Variants in FBXO42 observed in about 807,000 individuals in gnomAD.
FBXO42 encodes the protein F-box only protein 42.
In FBXO42, 12 loss-of-function variants were observed where a neutral mutation model predicts 71.7. The observed-to-expected ratio is 0.17, with a 90% CI of 0.11 to 0.27. The LOEUF (loss-of-function observed/expected upper bound fraction) is 0.27, where lower values mean the gene tolerates loss of function less well. Ranked by LOEUF, FBXO42 falls within the 10% of genes least tolerant of loss-of-function variation. The pLI is 1.00. For synonymous variants in FBXO42, 325 were observed against 327.5 expected (o/e 0.99, Z 0.08); for missense variants, 707 against 911.9 (o/e 0.78, Z 2.89).
intron 1 of FBXO42, among the ~76,000 whole-genome samples, chr1:16,345,847 CAAA>C (rs34529034): frequency 7.7e-5 from 9 of 117,380 alleles, no homozygotes; most frequent in Non-Finnish European, 3.4e-5. Context: ...GACTCCGTCT[CAAA>C]AAAAAAAAAA....
chr1:16,281,443 G>T (rs1264489912), intron 4 of FBXO42, among the ~76,000 whole-genome samples: 1 of 151,504 alleles, frequency 6.6e-6, no homozygotes, highest in Admixed American at 6.6e-5. Flanking sequence ...TTTGTAAAAG[G>T]TGGCTATTTC....
rs74558961 is a variant in FBXO42, at chr1:16,257,488, A to C, written c.503-729T>G. 1.1e-3 allele frequency among the ~76,000 whole-genome samples: 169 copies of C among 152,300 alleles called. 2 individuals carry two copies. In the East Asian group the frequency reaches 0.031, roughly 28 times the overall value. The stretch of plus-strand genomic sequence containing the variant: ...CTGGGCTACACTGACCAAATTCTGA[A>C]AAAAAACACTTTGGCTTATGCTGGA... On this transcript the variant is annotated intron_variant, in intron 4 of 9. Transcript: ENST00000375592.
At chr1:16,317,656 G>A (rs765540888) in intron 1 of FBXO42, among the ~76,000 whole-genome samples, 2 of 151,956 alleles carry the variant, frequency 1.3e-5, no homozygotes, top group Non-Finnish European at 2.9e-5. Flanking sequence ...AGGCACAGTG[G>A]CTCATGCCTA....
chr1:16,264,354 T>A (rs554645667), intron 4 of FBXO42, among the ~76,000 whole-genome samples: 28 of 152,162 alleles, frequency 1.8e-4, no homozygotes, highest in Non-Finnish European at 2.6e-4. Flanking sequence ...ATAACCACTA[T>A]GGTGACATAT....
At chr1:16,296,688 C>G (rs1222079343) in intron 3 of FBXO42, among the ~76,000 whole-genome samples, 1 of 148,602 alleles carries the variant, frequency 6.7e-6, no homozygotes, top group Non-Finnish European at 1.5e-5. Flanking sequence ...AAAACACCAA[C>G]AAGAAATTCA....
intron 1 of FBXO42, 37 bp from the exon 2 acceptor site, chr1:16,315,472 G>T (rs2082355125): frequency 6.3e-7 from 1 of 1,579,496 alleles, no homozygotes. Context: ...GTATTCCACT[G>T]AAAGCAGCTC....
Position 16,302,933 on chromosome 1 carries a change from G to A in FBXO42, c.367+2870C>T, listed in dbSNP as rs77235868. 3.7e-3 allele frequency among the ~76,000 whole-genome samples: 570 copies of A among 152,288 alleles called. 3 individuals carry two copies. Among genetic ancestry groups the A allele is most frequent in the African/African-American group, 0.013 (539 of 41,540 alleles). On this transcript the variant is annotated intron_variant, in intron 3 of 9. Coordinates refer to ENST00000375592, the MANE Select transcript of FBXO42 (RefSeq NM_018994.3). ...CCAGGTCACTCCCTTGACACATGGG[G>A]ATTACCACTGGAGGAGATGAGATTT... is the stretch of plus-strand genomic sequence containing the variant.
At chr1:16,344,232 A>G (rs1387725392) in intron 1 of FBXO42, among the ~76,000 whole-genome samples, 1 of 151,922 alleles carries the variant, frequency 6.6e-6, no homozygotes, top group Middle Eastern at 3.4e-3. Flanking sequence ...TCCTGACCTC[A>G]AGTGATCCAC....
rs1316452526 is a variant in FBXO42, at chr1:16,308,748, T to C, written c.251-2829A>G. Reference sequence around the variant, plus strand: ...TGGGAGACCCCATCTCTGTTTTTTTTTTTTTTTTTTTTTTGAGAAGGAGTC... The same window carrying C: ...TGGGAGACCCCATCTCTGTTTTTTTCTTTTTTTTTTTTTTGAGAAGGAGTC... On this transcript the variant is annotated intron_variant, in intron 2 of 9. Transcript: ENST00000375592. Among the ~76,000 whole-genome samples, 3 of 142,642 alleles carry C rather than the reference T, an allele frequency of 2.1e-5. No homozygotes were observed. In the Admixed American group the frequency reaches 2.1e-4, roughly 10 times the overall value. The allele number at this position is 142,642 out of a possible 152,430, so 93.6% of individuals were successfully genotyped here.
intron 1 of FBXO42, among the ~76,000 whole-genome samples, chr1:16,321,639 T>G (rs979921100): frequency 6.6e-6 from 1 of 151,406 alleles, no homozygotes; most frequent in African/African-American, 2.4e-5. Flanking sequence ...TTCAAATGAG[T>G]GTAAGGTTTA....
chr1:16,261,553 G>A (rs2081711621), intron 4 of FBXO42, among the ~76,000 whole-genome samples: 1 of 152,142 alleles, frequency 6.6e-6, no homozygotes. Flanking sequence ...ACTAAGTAGG[G>A]GAAAGTTAAA....
At chr1:16,304,820 T>C (rs1297354627) in intron 3 of FBXO42, among the ~76,000 whole-genome samples, 1 of 151,800 alleles carries the variant, frequency 6.6e-6, no homozygotes, top group Non-Finnish European at 1.5e-5. Context: ...AATACAAAAA[T>C]TAGCCAGGTG....
At chr1:16,274,394 A>C (rs2081876165) in intron 4 of FBXO42, among the ~76,000 whole-genome samples, 1 of 152,040 alleles carries the variant, frequency 6.6e-6, no homozygotes, top group South Asian at 2.1e-4. Flanking sequence ...GCTGACCTCT[A>C]TGGGGGTTGT....
intron 1 of FBXO42, among the ~76,000 whole-genome samples, chr1:16,335,636 C>T (rs912010287): frequency 6.6e-5 from 10 of 151,914 alleles, no homozygotes; most frequent in African/African-American, 1.9e-4. Flanking sequence ...GAGGCCGAGG[C>T]GGGTGGATCA....
chr1:16,335,061 T>TTCAAAAA (rs2082539184), intron 1 of FBXO42, among the ~76,000 whole-genome samples: 1 of 6,012 alleles, frequency 1.7e-4, no homozygotes, highest in Non-Finnish European at 3.1e-4. Context: ...ACCTCGTCTG[T>TTCAAAAA]ACAAAAAAAA....
Position 16,253,681 on chromosome 1 carries a change from G to C in FBXO42, c.818C>G (p.Pro273Arg), listed in dbSNP as rs749390223. The C allele has an allele frequency of 8.1e-6, 13 of 1,614,034 alleles. No homozygotes were observed. In the Admixed American group the frequency reaches 2.2e-4, roughly 27 times the overall value. ...LDLEQWAWSK[P>R]NISGPSPHPR... ...ATGAGGACTGGGGCCAGAGATGTTC[G>C]GCTTGGACCACGCCCACTGCTCAAG... The change falls in exon 7 of 10, where the codon CCG becomes CGG. Residue 273 changes from proline (P) to arginine (R), a missense_variant. Around this residue, in one of 5 missense-constraint regions of FBXO42, gnomAD observed 482 missense variants for 587.1 expected, o/e 0.82. Coordinates refer to ENST00000375592, the MANE Select transcript of FBXO42 (RefSeq NM_018994.3).
intron 7 of FBXO42, 113 bp downstream of exon 7, chr1:16,253,522 A>G (rs752670963): frequency 2.8e-5 from 23 of 816,462 alleles, no homozygotes; most frequent in Non-Finnish European, 4.3e-5. Flanking sequence ...AGAATGATAC[A>G]TTTTCTTTGG....
At chr1:16,274,740 C>G (rs1275803908) in intron 4 of FBXO42, among the ~76,000 whole-genome samples, 1 of 148,696 alleles carries the variant, frequency 6.7e-6, no homozygotes, top group African/African-American at 2.4e-5. Context: ...TACAGGCACC[C>G]ACCACCATGC....
At chr1:16,285,337 A>T (rs925330447) in intron 4 of FBXO42, among the ~76,000 whole-genome samples, 4 of 151,704 alleles carry the variant, frequency 2.6e-5, no homozygotes, top group Non-Finnish European at 5.9e-5. Context: ...GCAATGGTGC[A>T]ATCTCGGCTC....
Sources: allele counts gnomAD v4.1 joint callset (sites outside exome capture counted in the v4.1 genomes callset), GRCh38; gene constraint gnomAD v4.1.1; regional missense constraint gnomAD v4.1.1; transcripts MANE v1.5; gene names NCBI Gene and HGNC (gene_info 2026-07-23, HGNC 2026-07-21).